GNAO1: variants seen among roughly 807,000 people sequenced by gnomAD.
GNAO1 encodes the protein guanine nucleotide-binding protein G(o) subunit alpha.
For missense variants in GNAO1, 166 were observed against 478.7 expected (o/e 0.35, Z 6.10); for synonymous variants, 164 against 180.7 (o/e 0.91, Z 0.74).
intron 3 of GNAO1, among the ~76,000 whole-genome samples, chr16:56,316,558 C>T (rs916411493): frequency 1.1e-4 from 16 of 152,216 alleles, no homozygotes; most frequent in African/African-American, 3.6e-4. Flanking sequence ...CGTCAAGGCC[C>T]TCAGTGTTGC....
intron 2 of GNAO1, among the ~76,000 whole-genome samples, chr16:56,229,289 C>T (rs867493457): frequency 6.6e-6 from 1 of 152,192 alleles, no homozygotes; most frequent in East Asian, 1.9e-4. Flanking sequence ...ACTGCGACTT[C>T]CACCTCCCAG....
At chr16:56,208,419 ATGTG>A (rs35244461) in intron 2 of GNAO1, among the ~76,000 whole-genome samples, 4,347 of 148,886 alleles carry the variant, frequency 0.029, 98 homozygotes, top group African/African-American at 0.051. Flanking sequence ...GCTGCTATCA[ATGTG>A]TGTGTGTGTG....
At chr16:56,253,014 A>G (rs12325169) in intron 2 of GNAO1, among the ~76,000 whole-genome samples, 19,648 of 152,204 alleles carry the variant, frequency 0.13, 1,605 homozygotes, top group African/African-American at 0.22. Flanking sequence ...CCTTCTGCCA[A>G]GAGTTCTGCT....
rs374632334 is a variant in GNAO1, at chr16:56,343,142, A to G, written c.723+6282A>G. On this transcript the variant is annotated intron_variant, in intron 6 of 8. Transcript: ENST00000262493. The stretch of plus-strand genomic sequence containing the variant: ...AAAAGAAAAACAAAAAGAGGAGTCC[A>G]TAAATGCATGTATAAAAGGAAAATG... Among the ~76,000 whole-genome samples, 5 of 151,854 alleles carry G rather than the reference A, an allele frequency of 3.3e-5. No individual in the cohort carries two copies. The East Asian group carries it at 9.6e-4, about 29-fold the overall frequency.
intron 3 of GNAO1, among the ~76,000 whole-genome samples, chr16:56,327,519 C>T (rs924479610): frequency 8.5e-5 from 13 of 152,058 alleles, no homozygotes; most frequent in African/African-American, 2.7e-4. Flanking sequence ...TCACCAAATC[C>T]TTTGTACGCT....
chr16:56,223,175 G>A (rs1048612409), intron 2 of GNAO1, among the ~76,000 whole-genome samples: 2 of 152,194 alleles, frequency 1.3e-5, no homozygotes, highest in Non-Finnish European at 2.9e-5. Context: ...GCTTCTAGGG[G>A]GGAGAATCCA....
intron 6 of GNAO1, 88 bp downstream of exon 6, chr16:56,336,948 GC>G: frequency 7.8e-7 from 1 of 1,275,950 alleles, no homozygotes; most frequent in Non-Finnish European, 1.1e-6. Flanking sequence ...GGCCTCGGGT[GC>G]CCACAATGGC....
intron 3 of GNAO1, among the ~76,000 whole-genome samples, chr16:56,309,061 G>A (rs963480416): frequency 2.6e-5 from 4 of 152,178 alleles, no homozygotes; most frequent in Admixed American, 2.6e-4. Context: ...ATGGCTCCCC[G>A]CAGGCCCTCT....
intron 2 of GNAO1, among the ~76,000 whole-genome samples, chr16:56,204,817 T>G (rs1466580380): frequency 6.6e-6 from 1 of 152,204 alleles, no homozygotes; most frequent in Non-Finnish European, 1.5e-5. Flanking sequence ...TCTGTTCCTG[T>G]TTAGCTTGAT....
intron 2 of GNAO1, among the ~76,000 whole-genome samples, chr16:56,221,441 G>A (rs12931322): frequency 0.24 from 35,800 of 151,716 alleles, 5,529 homozygotes; most frequent in Non-Finnish European, 0.35. Context: ...CTTGAGGTCA[G>A]GAGTTCATGA....
chr16:56,247,282 C>T (rs1280275557), intron 2 of GNAO1, among the ~76,000 whole-genome samples: 3 of 152,172 alleles, frequency 2.0e-5, no homozygotes, highest in African/African-American at 7.2e-5. Context: ...CCTGGAATAA[C>T]CCCACCCACA....
chr16:56,341,716 C>A (rs1274296026), intron 6 of GNAO1, among the ~76,000 whole-genome samples: 1 of 152,192 alleles, frequency 6.6e-6, no homozygotes, highest in Non-Finnish European at 1.5e-5. Context: ...GGCGGGCAGC[C>A]AGGAGGGCAG....
chr16:56,339,310 G>A (rs2617841), intron 6 of GNAO1, among the ~76,000 whole-genome samples: 116,811 of 152,206 alleles, frequency 0.77, 45,006 homozygotes, highest in African/African-American at 0.84. Context: ...CTCCTCTGTA[G>A]ATGGTGACAA....
intron 3 of GNAO1, among the ~76,000 whole-genome samples, chr16:56,324,237 G>A (rs187540769): frequency 1.1e-3 from 160 of 152,300 alleles, no homozygotes; most frequent in Non-Finnish European, 1.7e-3. Flanking sequence ...TTGTGGCCTC[G>A]GTTTGTAAAT....
At chr16:56,346,476 C>G in intron 6 of GNAO1, 1 of 985,226 alleles carries the variant, frequency 1.0e-6, no homozygotes, top group Non-Finnish European at 1.2e-6. Flanking sequence ...ACTTTCATGC[C>G]TATGGGCCAG....
At chr16:56,270,616 T>C (rs539212828) in intron 2 of GNAO1, 1 of 152,210 alleles carries the variant, frequency 6.6e-6, no homozygotes, top group South Asian at 2.1e-4. Flanking sequence ...CAGAGATAGG[T>C]GAGATGTGGT....
At chr16:56,255,221 G>A (rs1251497267) in intron 2 of GNAO1, among the ~76,000 whole-genome samples, 1 of 152,166 alleles carries the variant, frequency 6.6e-6, no homozygotes, top group African/African-American at 2.4e-5. Flanking sequence ...AAAAGGGAGG[G>A]GCAGGTGTGT....
chr16:56,271,820 C>G (rs961690234), intron 2 of GNAO1, among the ~76,000 whole-genome samples: 1 of 152,138 alleles, frequency 6.6e-6, no homozygotes, highest in Non-Finnish European at 1.5e-5. Flanking sequence ...TTATTCCTCC[C>G]AACTCTTTTG....
At chr16:56,219,514 G>A (rs1332454504) in intron 2 of GNAO1, among the ~76,000 whole-genome samples, 2 of 152,118 alleles carry the variant, frequency 1.3e-5, no homozygotes, top group Admixed American at 1.3e-4. Flanking sequence ...AAAAACCAGG[G>A]TTTTTAAAAG....
Sources: allele counts gnomAD v4.1 joint callset (sites outside exome capture counted in the v4.1 genomes callset), GRCh38; gene constraint gnomAD v4.1.1; transcripts MANE v1.5; gene names NCBI Gene and HGNC (gene_info 2026-07-23, HGNC 2026-07-21).